Variants in LRP1B observed in about 807,000 individuals in gnomAD.
LRP1B encodes LDL receptor related protein 1B.
A neutral mutation model predicts 556.6 loss-of-function variants in LRP1B; 217 were observed. That is an observed-to-expected ratio of 0.39 (90% CI 0.35 to 0.44). LRP1B has a LOEUF of 0.44. Among genes scored for constraint, LRP1B ranks in the 20% least tolerant of loss-of-function variants. The probability of loss-of-function intolerance (pLI) is 1.00; values close to 1 mark genes in which losing one functional copy is unlikely to be tolerated. For synonymous variants in LRP1B, 2,047 were observed against 1,865.8 expected (o/e 1.10, Z -2.50); for missense variants, 5,053 against 5,620.8 (o/e 0.90, Z 3.23).
At chr2:141,673,218 T>C (rs1160185959) in intron 2 of LRP1B, among the ~76,000 whole-genome samples, 1 of 152,198 alleles carries the variant, frequency 6.6e-6, no homozygotes, top group East Asian at 1.9e-4. Context: ...AAAGCAGTTG[T>C]CCTACTGTTT....
chr2:140,328,994 A>C (rs1680649175), intron 79 of LRP1B, among the ~76,000 whole-genome samples: 1 of 152,096 alleles, frequency 6.6e-6, no homozygotes, highest in Admixed American at 6.5e-5. Flanking sequence ...GTAGTTATTT[A>C]TTTTCTTAGA....
At chr2:141,796,308 A>G (rs1211349522) in intron 2 of LRP1B, among the ~76,000 whole-genome samples, 1 of 152,050 alleles carries the variant, frequency 6.6e-6, no homozygotes, top group African/African-American at 2.4e-5. Flanking sequence ...CAACATTCAT[A>G]CCTTCAAGAA....
At chr2:141,379,046 G>T (rs1169760691) in intron 3 of LRP1B, among the ~76,000 whole-genome samples, 1 of 152,056 alleles carries the variant, frequency 6.6e-6, no homozygotes, top group Non-Finnish European at 1.5e-5. Context: ...AACACAAAAA[G>T]ATCCATCCAA....
In LRP1B at chr2:141,571,273, T is replaced by C. The variant is rs551819111; in HGVS notation, c.206-90740A>G. 1.6e-4 allele frequency among the ~76,000 whole-genome samples: 24 copies of C among 150,794 alleles called. No homozygotes were observed. The East Asian group carries it at 4.5e-3, about 28-fold the overall frequency. On this transcript the variant is annotated intron_variant, in intron 2 of 90. Transcript: ENST00000389484. The stretch of plus-strand genomic sequence containing the variant: ...CAGGCACAGGAGTGAATCAGATGAA[T>C]AGGGCCTGAAGTGAACCCCCAGCAA...
At chr2:141,237,374 T>A (rs1465039257) in intron 5 of LRP1B, among the ~76,000 whole-genome samples, 1 of 148,994 alleles carries the variant, frequency 6.7e-6, no homozygotes, top group Non-Finnish European at 1.5e-5. Context: ...TTTTTTTTAA[T>A]TCTGATTTCT....
chr2:141,713,400 A>C (rs1326793962), intron 2 of LRP1B, among the ~76,000 whole-genome samples: 1 of 152,216 alleles, frequency 6.6e-6, no homozygotes, highest in African/African-American at 2.4e-5. Flanking sequence ...TGAAATAAAC[A>C]TGCATTTTAT....
chr2:141,867,987 A>G (rs1698467364), intron 1 of LRP1B, among the ~76,000 whole-genome samples: 1 of 152,164 alleles, frequency 6.6e-6, no homozygotes, highest in African/African-American at 2.4e-5. Context: ...ACATTAACCC[A>G]TAGATGTTCC....
chr2:141,878,082 TAA>T (rs35025932), intron 1 of LRP1B, among the ~76,000 whole-genome samples: 2 of 149,822 alleles, frequency 1.3e-5, no homozygotes, highest in Non-Finnish European at 3.0e-5. Flanking sequence ...CTGGTGAAGT[TAA>T]AAAAAAAATC....
chr2:140,988,841 G>A (rs12052533), intron 17 of LRP1B, among the ~76,000 whole-genome samples: 64,443 of 151,568 alleles, frequency 0.43, 14,517 homozygotes, highest in East Asian at 0.6. Flanking sequence ...GTCATCAAAT[G>A]AACTATTTTT....
At chr2:141,282,729 A>G (rs530721115) in intron 3 of LRP1B, among the ~76,000 whole-genome samples, 1 of 152,262 alleles carries the variant, frequency 6.6e-6, no homozygotes, top group Admixed American at 6.5e-5. Flanking sequence ...TAGTAAGTTG[A>G]GCAAATTTCA....
intron 3 of LRP1B, among the ~76,000 whole-genome samples, chr2:141,392,535 T>A (rs1435966399): frequency 6.8e-6 from 1 of 146,614 alleles, no homozygotes; most frequent in Non-Finnish European, 1.5e-5. Flanking sequence ...AAGGGGGAGA[T>A]CAGATGACCC....
chr2:140,907,787 AG>A, intron 22 of LRP1B, 89 bp downstream of exon 22: 2 of 1,097,036 alleles, frequency 1.8e-6, no homozygotes, highest in East Asian at 2.4e-5. Context: ...AATGAATGAA[AG>A]GAATGAATGC....
chr2:142,114,328 C>A (rs72851466), intron 1 of LRP1B, among the ~76,000 whole-genome samples: 10,377 of 152,088 alleles, frequency 0.068, 477 homozygotes, highest in Non-Finnish European at 0.094. Flanking sequence ...CATAGTAATT[C>A]AGAATTTTAG....
chr2:140,330,896 G>A (rs965970572), intron 79 of LRP1B, among the ~76,000 whole-genome samples: 1 of 151,996 alleles, frequency 6.6e-6, no homozygotes, highest in African/African-American at 2.4e-5. Flanking sequence ...AGTAAAAAGT[G>A]TGCAAAGGAC....
rs1293823862 is a variant in LRP1B at position 140,409,625 on chromosome 2, A to G, written c.10415-23616T>C. 2.2e-4 allele frequency among the ~76,000 whole-genome samples: 33 copies of G among 152,060 alleles called. 1 individual carries two copies. The highest frequency in any genetic ancestry group is 2.2e-3 in the Admixed American group (33 of 15,254). ...CTAATTTTTTTTAGTTTAAATAAAC[A>G]TTAATAACAGCTAATATATATTGAT... is the stretch of plus-strand genomic sequence containing the variant. On this transcript the variant is annotated intron_variant, in intron 66 of 90. Coordinates refer to ENST00000389484, the MANE Select transcript of LRP1B (RefSeq NM_018557.3).
intron 27 of LRP1B, among the ~76,000 whole-genome samples, chr2:140,859,306 C>T (rs994832088): frequency 2.0e-5 from 3 of 151,854 alleles, no homozygotes; most frequent in Non-Finnish European, 4.4e-5. Context: ...ATTAATAGTC[C>T]TATATGAAAT....
chr2:141,081,788 C>G (rs370822841), intron 7 of LRP1B, among the ~76,000 whole-genome samples: 1 of 152,166 alleles, frequency 6.6e-6, no homozygotes, highest in Non-Finnish European at 1.5e-5. Context: ...TAGTAACACA[C>G]AAGCCCATTG....
At chr2:140,366,338 T>G (rs1256785361) in intron 71 of LRP1B, among the ~76,000 whole-genome samples, 1 of 151,460 alleles carries the variant, frequency 6.6e-6, no homozygotes, top group African/African-American at 2.4e-5. Context: ...TGTGGACCAT[T>G]TGGTAGATGG....
At chr2:142,112,449 T>A (rs1392826191) in intron 1 of LRP1B, among the ~76,000 whole-genome samples, 1 of 151,880 alleles carries the variant, frequency 6.6e-6, no homozygotes, top group South Asian at 2.1e-4. Flanking sequence ...TAAAAAGCCA[T>A]AAAAGATAGA....
Sources: gnomAD v4.1 joint callset for allele counts (sites outside exome capture counted in the v4.1 genomes callset) on GRCh38, gnomAD v4.1.1 for gene constraint, MANE v1.5 for transcripts, NCBI Gene and HGNC (gene_info 2026-07-23, HGNC 2026-07-21) for gene names.